The following RUBCNL variants were observed in gnomAD, a reference collection of about 807,000 sequenced individuals.
RUBCNL encodes the protein rubicon like autophagy enhancer, also known as protein associated with UVRAG as autophagy enhancer.
A neutral mutation model predicts 69.5 loss-of-function variants in RUBCNL; 62 were observed. The ratio of observed to expected loss-of-function variants is 0.89; its 90% CI spans 0.73 to 1.10. RUBCNL has a LOEUF of 1.10. Among genes scored for constraint, RUBCNL ranks in the 50% least tolerant of loss-of-function variants. RUBCNL has a pLI of 0.00. For synonymous variants in RUBCNL, 291 were observed against 303.6 expected (o/e 0.96, Z 0.43); for missense variants, 768 against 798.1 (o/e 0.96, Z 0.45).
chr13:46,368,408 T>C (rs2048806755), intron 4 of RUBCNL, 159 bp from the exon 5 acceptor site: 2 of 974,702 alleles, frequency 2.1e-6, no homozygotes, highest in South Asian at 4.7e-5. Context: ...CTATGACTTA[T>C]AGCACACATT....
At chr13:46,374,051 AGTTACC>A (rs2048935806) in intron 2 of RUBCNL, among the ~76,000 whole-genome samples, 1 of 152,196 alleles carries the variant, frequency 6.6e-6, no homozygotes, top group Admixed American at 6.5e-5. Context: ...TCTTAGTCTG[AGTTACC>A]GTCTTCTCAC....
chr13:46,372,247 C>T lies in RUBCNL; in HGVS notation c.229G>A (p.Gly77Arg). The change falls in exon 3 of 15, where the codon GGG (glycine) becomes AGG (arginine). Residue 77 changes from glycine (G) to arginine (R), a missense_variant. Transcript: ENST00000429979. ...QSQVPAAGNS[G>R]THFVTDAASP... ...GCAGCATCTGTCACAAAATGGGTCC[C>T]ACTGTTCCCTGCTGCTGGCACCTGA... The T allele has an allele frequency of 6.2e-7, 1 of 1,613,980 alleles. No individual in the cohort carries two copies.
In RUBCNL at chr13:46,356,417, A is replaced by G. The variant is rs374291626; in HGVS notation, c.1330+15T>C. On this transcript the variant is annotated intron_variant, in intron 10 of 14. Transcript: ENST00000429979. ...TCATCACATCATAAGCAGGCGATCC[A>G]TTATCCGTACTTACTAGGCTCTACT... The G allele has an allele frequency of 5.0e-4, 805 of 1,612,746 alleles. 1 individual carries two copies. Among genetic ancestry groups the G allele is most frequent in the Non-Finnish European group, 4.9e-4 (577 of 1,179,532 alleles).
intron 1 of RUBCNL, 97 bp downstream of exon 1, chr13:46,387,037 A>G (rs975774344): frequency 2.5e-5 from 24 of 945,442 alleles, no homozygotes; most frequent in Non-Finnish European, 2.9e-5. Flanking sequence ...CGCCACTTCC[A>G]CCATCCAACC....
chr13:46,387,872 A>G, upstream of RUBCNL: 1 of 984,866 alleles, frequency 1.0e-6, no homozygotes. Context: ...TGGTGGTGCT[A>G]GGAGAACCTG....
At chr13:46,375,169 T>C (rs902050438) in intron 2 of RUBCNL, among the ~76,000 whole-genome samples, 5 of 152,170 alleles carry the variant, frequency 3.3e-5, no homozygotes, top group African/African-American at 1.2e-4. Flanking sequence ...TACCTAGAGC[T>C]GCATATCAGG....
Position 46,377,829 on chromosome 13 carries a change from T to C in RUBCNL, c.-123+61A>G. The stretch of plus-strand genomic sequence containing the variant: ...TAGGCCCATAATAGATTCACAACCA[T>C]GTCTAAGGTCACAGCTGGGCAGTGG... On this transcript the variant is annotated intron_variant, in intron 2 of 14. Transcript: ENST00000429979. 3 of 954,476 alleles carry C rather than the reference T, an allele frequency of 3.1e-6. No homozygotes were observed. The South Asian group carries it at 4.3e-5, about 14-fold the overall frequency. 59.1% of individuals were successfully genotyped at this position (954,476 alleles called of 1,614,324 possible). A position where few individuals can be genotyped will look rare whatever the true frequency, so the allele number is the denominator to read the frequency against.
rs749130870 is a variant in RUBCNL, at chr13:46,371,940, C to T, written c.535+1G>A. 6.8e-6 allele frequency: 11 copies of T among 1,613,550 alleles called. No homozygotes were observed. The highest frequency in any genetic ancestry group is 5.0e-5 in the Admixed American group (3 of 59,984). On this transcript the variant is annotated splice_donor_variant, in intron 3 of 14. Coordinates refer to ENST00000429979, the MANE Select transcript of RUBCNL (RefSeq NM_025113.5). LOFTEE classifies it high-confidence loss of function. Reference sequence around the variant, plus strand: ...TGAGGGAGGTCACCTACTAAAATTACCTTCATCAGCAGCAGATGTCAGATG... The same window carrying T: ...TGAGGGAGGTCACCTACTAAAATTATCTTCATCAGCAGCAGATGTCAGATG...
At position 46,335,511 on chromosome 13, in the gene RUBCNL, C is replaced by T. The variant is rs930138933; in HGVS notation, c.*7874G>A. Reference sequence around the variant, plus strand: ...GTGTGGAGAATGGACTATAGAGGGGCAAGTGTGGAAAGAGGAGATAGGAGG... The same window carrying T: ...GTGTGGAGAATGGACTATAGAGGGGTAAGTGTGGAAAGAGGAGATAGGAGG... On this transcript the variant is annotated 3_prime_UTR_variant, in exon 15 of 15. Transcript: ENST00000429979. 6.6e-6 allele frequency among the ~76,000 whole-genome samples: 1 copy of T among 151,958 alleles called. No homozygotes were observed. The highest frequency in any genetic ancestry group is 2.1e-4 in the South Asian group (1 of 4,828).
intron 1 of RUBCNL, among the ~76,000 whole-genome samples, chr13:46,380,872 A>C (rs527804039): frequency 6.6e-6 from 1 of 152,298 alleles, no homozygotes; most frequent in South Asian, 2.1e-4. Flanking sequence ...TTCTACCTAA[A>C]AACTTTACAT....
chr13:46,367,851 C>T (rs956398129), intron 5 of RUBCNL, among the ~76,000 whole-genome samples, 191 bp downstream of exon 5: 2 of 152,156 alleles, frequency 1.3e-5, no homozygotes, highest in African/African-American at 4.8e-5. Flanking sequence ...ACTACCCACC[C>T]ACTAGTCACT....
rs2048171445 is a variant in RUBCNL, at chr13:46,343,237, CATT to C, written c.*145_*147del. The C allele has an allele frequency of 8.1e-7, 1 of 1,233,278 alleles. No homozygotes were observed. Among genetic ancestry groups the C allele is most frequent in the African/African-American group, 1.5e-5 (1 of 66,390 alleles). The allele number at this position is 1,233,278 out of a possible 1,614,324, so 76.4% of individuals were successfully genotyped here. On this transcript the variant is annotated 3_prime_UTR_variant, in exon 15 of 15. Transcript: ENST00000429979. ...ACACAGAATCTGCATTCTTTTGAAA[CATT>C]AAGTATATGCAATAAAGAGAATATA...
At chr13:46,358,606 T>C (rs1032982873) in intron 9 of RUBCNL, among the ~76,000 whole-genome samples, 6 of 152,164 alleles carry the variant, frequency 3.9e-5, no homozygotes, top group Admixed American at 3.3e-4. Flanking sequence ...CAAGCTGGAG[T>C]GCACTGGTGC....
At position 46,362,545 on chromosome 13, in the gene RUBCNL, A is replaced by C. The variant is rs751428611; in HGVS notation, c.979T>G (p.Ser327Ala). 1 of 1,607,122 alleles carries C rather than the reference A, an allele frequency of 6.2e-7. No individual in the cohort carries two copies. Among genetic ancestry groups the C allele is most frequent in the South Asian group, 1.1e-5 (1 of 89,706 alleles). Residue 327 changes from serine to alanine, a missense_variant, in exon 7 of 15, where the codon TCT becomes GCT. Ser to Ala is a moderately conservative substitution (Grantham distance 99). Transcript: ENST00000429979. The part of the protein sequence containing the change: ...TETCSCSCSS[S>A]KSVTYEPDFN... ...TGCACAGAAGACAGATACCTCTTAG[A>C]GGAGCTGCAGGAACAGCTACAGGTT...
intron 1 of RUBCNL, chr13:46,385,242 C>T (rs191839310): frequency 1.0e-6 from 1 of 977,108 alleles, no homozygotes; most frequent in African/African-American, 1.8e-5. Flanking sequence ...TAAGACAGCA[C>T]AGTTACAGAG....
Position 46,365,302 on chromosome 13 carries a change from C to CAA in RUBCNL, c.827-2091_827-2090dup, listed in dbSNP as rs34280215. Among the ~76,000 whole-genome samples the CAA allele has an allele frequency of 3.3e-3, 195 of 59,050 alleles. 2 individuals carry two copies. The highest frequency in any genetic ancestry group is 4.7e-3 in the African/African-American group (70 of 14,812). 38.7% of individuals were successfully genotyped at this position (59,050 alleles called of 152,430 possible). On this transcript the variant is annotated intron_variant, in intron 5 of 14. Coordinates refer to ENST00000429979, the MANE Select transcript of RUBCNL (RefSeq NM_025113.5). The stretch of plus-strand genomic sequence containing the variant: ...TGGGCAACAGAGAAAGACTCCATCT[C>CAA]AAAAAAAAAAAAAAAAAAAAAAAAT...
intron 5 of RUBCNL, among the ~76,000 whole-genome samples, chr13:46,366,152 C>G (rs1434928340): frequency 1.3e-5 from 2 of 152,200 alleles, no homozygotes; most frequent in African/African-American, 4.8e-5. Context: ...TTCATTTTCT[C>G]CCTACTGGTA....
rs997749542 is a variant in RUBCNL at position 46,339,676 on chromosome 13, T to C, written c.*3709A>G. On this transcript the variant is annotated 3_prime_UTR_variant, in exon 15 of 15. Coordinates refer to ENST00000429979, the MANE Select transcript of RUBCNL (RefSeq NM_025113.5). ...GGGTTAGAGACCAGCCTTGCCAACA[T>C]GGTGAAAACCCGTCTCTACTAAAAA... Among the ~76,000 whole-genome samples the C allele has an allele frequency of 6.6e-6, 1 of 152,048 alleles. No individual in the cohort carries two copies. Among genetic ancestry groups the C allele is most frequent in the Non-Finnish European group, 1.5e-5 (1 of 68,002 alleles).
intron 2 of RUBCNL, among the ~76,000 whole-genome samples, chr13:46,375,450 T>C (rs1013912180): frequency 1.3e-5 from 2 of 152,118 alleles, no homozygotes; most frequent in African/African-American, 4.8e-5. Context: ...GGAGAATCGC[T>C]TGAACCTGGC....
Sources: allele counts gnomAD v4.1 joint callset (sites outside exome capture counted in the v4.1 genomes callset), GRCh38; gene constraint gnomAD v4.1.1; transcripts MANE v1.5; gene names NCBI Gene and HGNC (gene_info 2026-07-23, HGNC 2026-07-21).